CTNNA3: variants seen among roughly 807,000 people sequenced by gnomAD.
CTNNA3 encodes the protein catenin alpha-3.
In CTNNA3, 76 loss-of-function variants were observed where a neutral mutation model predicts 95.7. The ratio of observed to expected loss-of-function variants is 0.79; its 90% CI spans 0.66 to 0.96. The LOEUF is 0.96. Among genes scored for constraint, CTNNA3 ranks in the 40% least tolerant of loss-of-function variants. CTNNA3 has a pLI of 0.00. For missense variants in CTNNA3, 1,191 were observed against 1,089.8 expected (o/e 1.09, Z -1.31); for synonymous variants, 431 against 374.4 (o/e 1.15, Z -1.74).
chr10:66,046,957 C>T (rs1373967750), intron 15 of CTNNA3, among the ~76,000 whole-genome samples: 1 of 152,036 alleles, frequency 6.6e-6, no homozygotes, highest in East Asian at 1.9e-4. Flanking sequence ...AACAGGTCAA[C>T]AAGGAGCTAC....
intron 15 of CTNNA3, among the ~76,000 whole-genome samples, chr10:66,027,718 A>G (rs2079370154): frequency 6.6e-6 from 1 of 152,122 alleles, no homozygotes; most frequent in Non-Finnish European, 1.5e-5. Context: ...CAGGCTCCAG[A>G]CTCAGCAACA....
In CTNNA3 at chr10:66,522,287, T is replaced by C. The variant is rs1589372053; in HGVS notation, c.1375-1514A>G. Among the ~76,000 whole-genome samples, 3 of 152,226 alleles carry C rather than the reference T, an allele frequency of 2.0e-5. No homozygotes were observed. In the East Asian group the frequency reaches 5.8e-4, roughly 29 times the overall value. ...TTCCACTCAAACTTTGCCATAAATA[T>C]GATGTTTGTTCTTCAATTTTAGCAG... On this transcript the variant is annotated intron_variant, in intron 10 of 17. Transcript: ENST00000433211.
At chr10:66,133,410 G>A (rs1377478611) in intron 13 of CTNNA3, among the ~76,000 whole-genome samples, 3 of 152,056 alleles carry the variant, frequency 2.0e-5, no homozygotes. Flanking sequence ...AGCTATGGGG[G>A]AGGCTGAGAC....
intron 9 of CTNNA3, among the ~76,000 whole-genome samples, chr10:66,743,707 G>T (rs1391930150): frequency 6.6e-6 from 1 of 152,074 alleles, no homozygotes; most frequent in Non-Finnish European, 1.5e-5. Context: ...GTCGGGTGTG[G>T]TGGCTCATGA....
chr10:67,159,516 C>G (rs955899306), intron 7 of CTNNA3, among the ~76,000 whole-genome samples: 1 of 152,084 alleles, frequency 6.6e-6, no homozygotes, highest in African/African-American at 2.4e-5. Flanking sequence ...AGAAATGAAA[C>G]CACATGTTAT....
chr10:66,164,687 T>A (rs2085032774), intron 13 of CTNNA3, among the ~76,000 whole-genome samples: 1 of 152,174 alleles, frequency 6.6e-6, no homozygotes, highest in Admixed American at 6.6e-5. Context: ...ATTGACACAA[T>A]ACATAAAAAT....
chr10:67,268,234 G>A (rs1866906546), intron 5 of CTNNA3, among the ~76,000 whole-genome samples: 1 of 151,546 alleles, frequency 6.6e-6, no homozygotes, highest in Non-Finnish European at 1.5e-5. Flanking sequence ...GGGAGGCGAA[G>A]GCAGGAGGAT....
chr10:67,476,585 G>T (rs1386943387), intron 5 of CTNNA3, among the ~76,000 whole-genome samples: 1 of 150,766 alleles, frequency 6.6e-6, no homozygotes, highest in African/African-American at 2.4e-5. Flanking sequence ...TGCTTGCCTG[G>T]AACAGCAGCC....
intron 9 of CTNNA3, among the ~76,000 whole-genome samples, chr10:66,648,695 T>G (rs1845791411): frequency 1.3e-5 from 2 of 152,162 alleles, no homozygotes; most frequent in Admixed American, 1.3e-4. Context: ...GACTTTTGTT[T>G]GGGAAACCAG....
intron 12 of CTNNA3, among the ~76,000 whole-genome samples, chr10:66,291,492 G>A (rs1248765848): frequency 2.0e-5 from 3 of 152,046 alleles, no homozygotes; most frequent in East Asian, 3.9e-4. Flanking sequence ...TTGGCTCCCC[G>A]AATACTCACT....
At chr10:66,098,497 T>C (rs2081489954) in intron 14 of CTNNA3, among the ~76,000 whole-genome samples, 1 of 152,206 alleles carries the variant, frequency 6.6e-6, no homozygotes, top group African/African-American at 2.4e-5. Flanking sequence ...CTATGATGTG[T>C]TAAACAGTAT....
At chr10:67,315,563 T>G (rs903813745) in intron 5 of CTNNA3, among the ~76,000 whole-genome samples, 1 of 152,108 alleles carries the variant, frequency 6.6e-6, no homozygotes, top group Admixed American at 6.5e-5. Flanking sequence ...CACTTACAAG[T>G]GCTTCCTTAA....
intron 12 of CTNNA3, among the ~76,000 whole-genome samples, chr10:66,286,040 A>G (rs2091582372): frequency 6.6e-6 from 1 of 152,036 alleles, no homozygotes; most frequent in Non-Finnish European, 1.5e-5. Context: ...GTTTGGGACT[A>G]TAATATATAT....
chr10:66,766,091 T>C lies in CTNNA3; in HGVS notation c.1281+173A>G, dbSNP rs74141674. The C allele has an allele frequency of 0.087, 44,783 of 516,258 alleles. 2,765 individuals carry two copies. The highest frequency in any genetic ancestry group is 0.22 in the African/African-American group (11,897 of 53,400). The allele number at this position is 516,258 out of a possible 1,614,324, so 32.0% of individuals were successfully genotyped here. A position where few individuals can be genotyped will look rare whatever the true frequency, so the allele number is the denominator to read the frequency against. Reference sequence around the variant, plus strand: ...GTGTTTAAAAAATAAGACAAGCCAATGTGGAGTGATCTATACAATCGGACA... The same window carrying C: ...GTGTTTAAAAAATAAGACAAGCCAACGTGGAGTGATCTATACAATCGGACA... On this transcript the variant is annotated intron_variant, in intron 9 of 17. Transcript: ENST00000433211.
At chr10:67,589,379 G>A (rs1043577202) in intron 3 of CTNNA3, among the ~76,000 whole-genome samples, 1 of 151,932 alleles carries the variant, frequency 6.6e-6, no homozygotes, top group Non-Finnish European at 1.5e-5. Flanking sequence ...CCAAATATAG[G>A]CACTAAATAT....
chr10:66,360,724 CTTT>C (rs2092657076), intron 12 of CTNNA3, among the ~76,000 whole-genome samples: 1 of 14,280 alleles, frequency 7.0e-5, no homozygotes, highest in Non-Finnish European at 2.0e-4. Flanking sequence ...TCCTTTCTTC[CTTT>C]CTTTCTTTCT....
chr10:66,925,219 C>A (rs994755760), intron 7 of CTNNA3, among the ~76,000 whole-genome samples: 3 of 152,122 alleles, frequency 2.0e-5, no homozygotes, highest in Non-Finnish European at 2.9e-5. Flanking sequence ...GTTACCTCCC[C>A]AAGTCTGTTT....
chr10:67,195,017 A>G (rs1016256029), intron 6 of CTNNA3, among the ~76,000 whole-genome samples: 1 of 151,932 alleles, frequency 6.6e-6, no homozygotes, highest in African/African-American at 2.4e-5. Context: ...CTGATTTTAT[A>G]TCTTAGGATG....
At chr10:67,408,920 AG>A (rs1327997887) in intron 5 of CTNNA3, among the ~76,000 whole-genome samples, 1 of 151,858 alleles carries the variant, frequency 6.6e-6, no homozygotes, top group Non-Finnish European at 1.5e-5. Context: ...AAGTAGGCAA[AG>A]GACTGAACAG....
Sources: allele counts gnomAD v4.1 joint callset (sites outside exome capture counted in the v4.1 genomes callset), GRCh38; gene constraint gnomAD v4.1.1; transcripts MANE v1.5; gene names NCBI Gene and HGNC (gene_info 2026-07-23, HGNC 2026-07-21).